Variants in TSPAN11 observed in about 807,000 individuals in gnomAD.
TSPAN11 encodes tetraspanin-11.
TSPAN11 carries 29 observed loss-of-function variants against 32.9 expected under a neutral mutation model. The ratio of observed to expected loss-of-function variants is 0.88; its 90% CI spans 0.66 to 1.20. The LOEUF (loss-of-function observed/expected upper bound fraction) is 1.20. TSPAN11 is among the 50% of genes most tolerant of loss of function. The pLI is 0.00. For synonymous variants in TSPAN11, 140 were observed against 141.3 expected (o/e 0.99, Z 0.07); for missense variants, 283 against 329.1 (o/e 0.86, Z 1.08).
chr12:30,972,969 C>T (rs1023479984), intron 3 of TSPAN11, among the ~76,000 whole-genome samples: 2 of 152,002 alleles, frequency 1.3e-5, no homozygotes, highest in Non-Finnish European at 2.9e-5. Flanking sequence ...CTACTCATTC[C>T]TCACCTCTCC....
intron 7 of TSPAN11, among the ~76,000 whole-genome samples, chr12:30,989,654 C>T (rs551896790): frequency 6.6e-6 from 1 of 152,278 alleles, no homozygotes; most frequent in South Asian, 2.1e-4. Context: ...ACATGCTCAG[C>T]TTGCAAGATG....
At chr12:30,948,323 CTGTG>C (rs1261090403) in intron 1 of TSPAN11, among the ~76,000 whole-genome samples, 2 of 152,228 alleles carry the variant, frequency 1.3e-5, no homozygotes, top group Admixed American at 1.3e-4. Flanking sequence ...AGTAGGAACT[CTGTG>C]TGGGGGCTCT....
chr12:30,977,040 A>G (rs750780869), intron 3 of TSPAN11, among the ~76,000 whole-genome samples: 1 of 152,224 alleles, frequency 6.6e-6, no homozygotes, highest in Non-Finnish European at 1.5e-5. Flanking sequence ...TGTGTCCCTG[A>G]TGCTGGGAGC....
the TSPAN11 span, among the ~76,000 whole-genome samples, chr12:31,013,423 A>T: frequency 0.052 from 7,495 of 144,976 alleles, 230 homozygotes; most frequent in Middle Eastern, 0.17. Flanking sequence ...AAAAAAAAAA[A>T]TTTTTTTTAA....
intron 3 of TSPAN11, among the ~76,000 whole-genome samples, chr12:30,969,110 C>T (rs561176616): frequency 7.9e-5 from 12 of 152,336 alleles, no homozygotes; most frequent in Non-Finnish European, 1.8e-4. Context: ...ACCAAGCTCC[C>T]TTAAGAAGGA....
At chr12:30,931,898 A>G (rs943943664) in intron 1 of TSPAN11, among the ~76,000 whole-genome samples, 16 of 150,860 alleles carry the variant, frequency 1.1e-4, no homozygotes, top group Non-Finnish European at 1.8e-4. Flanking sequence ...AAAAAAAAAA[A>G]AGAGTCCTCA....
intron 1 of TSPAN11, among the ~76,000 whole-genome samples, chr12:30,938,828 C>T (rs1938098169): frequency 6.6e-6 from 1 of 152,150 alleles, no homozygotes; most frequent in Admixed American, 6.5e-5. Flanking sequence ...ACTTATCTTC[C>T]CTCCTCAAAG....
chr12:31,001,959 C>G, the TSPAN11 span, among the ~76,000 whole-genome samples: 1 of 152,186 alleles, frequency 6.6e-6, no homozygotes, highest in East Asian at 1.9e-4. Context: ...GGTGGGTCCA[C>G]AGACCTGGTG....
intron 7 of TSPAN11, among the ~76,000 whole-genome samples, chr12:30,990,878 C>T (rs569688124): frequency 6.6e-6 from 1 of 152,300 alleles, no homozygotes; most frequent in South Asian, 2.1e-4. Context: ...TAGCCCAGTG[C>T]CCCCTCCTGT....
rs949055978 is a variant in TSPAN11, at chr12:30,993,240, G to C, written c.*1325G>C. ...GACCCTCTTACTTCCCCCCATGAAG[G>C]GGGGCACCTTGTGCTAAGGCCAAGG... On this transcript the variant is annotated 3_prime_UTR_variant, in exon 8 of 8. Coordinates refer to ENST00000546076, the MANE Select transcript of TSPAN11 (RefSeq NM_001370302.1). 2.6e-5 allele frequency: 4 copies of C among 152,354 alleles called. No individual in the cohort carries two copies. Among genetic ancestry groups the C allele is most frequent in the Admixed American group, 1.3e-4 (2 of 15,300 alleles). The allele number at this position is 152,354 out of a possible 1,614,324, so 9.4% of individuals were successfully genotyped here. A position where few individuals can be genotyped will look rare whatever the true frequency, so the allele number is the denominator to read the frequency against.
intron 1 of TSPAN11, among the ~76,000 whole-genome samples, chr12:30,944,888 G>A (rs1334106889): frequency 6.6e-6 from 1 of 152,188 alleles, no homozygotes; most frequent in Admixed American, 6.5e-5. Flanking sequence ...CCCCCAACCT[G>A]AGCTTTTGCT....
intron 7 of TSPAN11, among the ~76,000 whole-genome samples, chr12:30,989,174 T>C (rs952738828): frequency 2.6e-5 from 4 of 152,052 alleles, no homozygotes; most frequent in Non-Finnish European, 1.5e-5. Context: ...AGGGGACAGG[T>C]AAGTGTATGG....
chr12:30,952,582 C>T (rs1443943681), intron 1 of TSPAN11, among the ~76,000 whole-genome samples: 1 of 152,156 alleles, frequency 6.6e-6, no homozygotes, highest in Non-Finnish European at 1.5e-5. Context: ...TCAGTGAGCC[C>T]ATGAGCTTGA....
intron 2 of TSPAN11, among the ~76,000 whole-genome samples, chr12:30,959,644 G>A (rs867533188): frequency 1.3e-4 from 20 of 152,066 alleles, no homozygotes; most frequent in African/African-American, 4.8e-4. Context: ...GCCAGGCGTG[G>A]TGGCGCGTGC....
At chr12:30,998,608 T>G (rs1479919928), downstream of TSPAN11, among the ~76,000 whole-genome samples, 1 of 152,184 alleles carries the variant, frequency 6.6e-6, no homozygotes, top group Non-Finnish European at 1.5e-5. Flanking sequence ...TGGGGGCCTT[T>G]GCATCAGGCC....
intron 3 of TSPAN11, 150 bp from the exon 4 acceptor site, chr12:30,978,411 C>G: frequency 1.4e-6 from 1 of 730,204 alleles, no homozygotes; most frequent in Admixed American, 2.4e-5. Context: ...TTGGTGCCAG[C>G]AGCCAGTGAG....
At chr12:31,010,016 G>A in the TSPAN11 span, among the ~76,000 whole-genome samples, 89 of 152,332 alleles carry the variant, frequency 5.8e-4, 3 homozygotes, top group Admixed American at 1.3e-4. Flanking sequence ...CTGAGGCTAA[G>A]TGACTTGCCC....
chr12:30,998,309 G>A (rs1939443800), downstream of TSPAN11, among the ~76,000 whole-genome samples: 1 of 152,200 alleles, frequency 6.6e-6, no homozygotes, highest in Admixed American at 6.5e-5. Context: ...TGGCTGGCCT[G>A]CCAGCTGCCA....
intron 1 of TSPAN11, among the ~76,000 whole-genome samples, chr12:30,950,719 T>C (rs1390164001): frequency 6.6e-6 from 1 of 152,190 alleles, no homozygotes; most frequent in African/African-American, 2.4e-5. Flanking sequence ...CTTGAACTTA[T>C]TGACCTGCCC....
Sources: allele counts gnomAD v4.1 joint callset (sites outside exome capture counted in the v4.1 genomes callset), GRCh38; gene constraint gnomAD v4.1.1; transcripts MANE v1.5; gene names NCBI Gene and HGNC (gene_info 2026-07-23, HGNC 2026-07-21).